SCAF11: variants seen among roughly 807,000 people sequenced by gnomAD.
SCAF11 encodes SR-related CTD associated factor 11.
In SCAF11, 47 loss-of-function variants were observed where a neutral mutation model predicts 140.5. The ratio of observed to expected loss-of-function variants is 0.33; its 90% CI spans 0.26 to 0.43. The LOEUF is 0.43. Ranked by LOEUF, SCAF11 falls within the 20% of genes least tolerant of loss-of-function variation. SCAF11 has a pLI of 1.00. For missense variants in SCAF11, 1,645 were observed against 1,705.1 expected (o/e 0.96, Z 0.62); for synonymous variants, 557 against 579.4 (o/e 0.96, Z 0.55).
chr12:45,928,335 C>T lies in SCAF11; in HGVS notation c.1366G>A (p.Glu456Lys), dbSNP rs755395187. The T allele has an allele frequency of 2.5e-6, 4 of 1,614,056 alleles. No individual in the cohort carries two copies. Among genetic ancestry groups the T allele is most frequent in the Non-Finnish European group, 3.4e-6 (4 of 1,180,002 alleles). The change falls in exon 11 of 15, where the codon GAA becomes AAA. Residue 456 changes from glutamate to lysine, a missense_variant. This residue lies in a region of SCAF11 where 1,582 missense variants were observed against 1,609.2 expected (regional missense o/e 0.98). Coordinates refer to ENST00000369367, the MANE Select transcript of SCAF11 (RefSeq NM_004719.3). ...CLKSCNEQIE[E>K]SEKHTANYDT... is the part of the protein sequence containing the mutation. ...TAATTTGCAGTATGCTTCTCACTTT[C>T]TTCTATTTGCTCATTGCAACTTTTC...
At chr12:45,922,735 T>C (rs180741978) in intron 13 of SCAF11, among the ~76,000 whole-genome samples, 153 bp from the exon 14 acceptor site, 71 of 152,306 alleles carry the variant, frequency 4.7e-4, no homozygotes, top group Non-Finnish European at 6.8e-4. Flanking sequence ...CTAAAACATA[T>C]CAAACATTTC....
Position 45,921,968 on chromosome 12 carries a change from G to T in SCAF11, c.*80C>A. The stretch of plus-strand genomic sequence containing the variant: ...AAAACCAAATTTCAATCACAGTTAT[G>T]TATGATTTTCAGTTAATGGTACATG... On this transcript the variant is annotated 3_prime_UTR_variant, in exon 15 of 15. Transcript: ENST00000369367. The T allele has an allele frequency of 6.9e-7, 1 of 1,449,624 alleles. No homozygotes were observed. The highest frequency in any genetic ancestry group is 9.3e-7 in the Non-Finnish European group (1 of 1,074,176). 89.8% of individuals were successfully genotyped at this position (1,449,624 alleles called of 1,614,324 possible).
intron 5 of SCAF11, 107 bp downstream of exon 5, chr12:45,948,328 TAA>T (rs1448566360): frequency 1.5e-6 from 1 of 686,656 alleles, no homozygotes; most frequent in Admixed American, 2.8e-5. Flanking sequence ...TGCTTTTGAA[TAA>T]GTGATTAAAT....
In SCAF11 at chr12:45,924,953, AT is replaced by A; in HGVS notation, c.3680del (p.Asn1227IlefsTer13). The A allele has an allele frequency of 6.2e-7, 1 of 1,614,194 alleles. No homozygotes were observed. The highest frequency in any genetic ancestry group is 1.3e-5 in the African/African-American group (1 of 75,054). ...QQMNAQHQPM[N>X]IFPYPVGVHA... ...GAACACCCACTGGATATGGGAAGATATTCATAGGCTGGTGTTGTGCATTCAT... is the reference window on the plus strand; with the variant it reads ...GAACACCCACTGGATATGGGAAGATATCATAGGCTGGTGTTGTGCATTCAT... On this transcript the variant is annotated frameshift_variant, in exon 12 of 15. Transcript: ENST00000369367. LOFTEE classifies it high-confidence loss of function.
chr12:45,968,875 G>A (rs140049088), intron 1 of SCAF11, among the ~76,000 whole-genome samples: 170 of 152,252 alleles, frequency 1.1e-3, no homozygotes, highest in African/African-American at 3.9e-3. Flanking sequence ...GCAGAGAGCC[G>A]AGATCATGCC....
intron 4 of SCAF11, 42 bp from the exon 5 acceptor site, chr12:45,948,579 T>C: frequency 1.6e-6 from 2 of 1,232,234 alleles, no homozygotes; most frequent in East Asian, 4.7e-5. Context: ...CAATCCAGCC[T>C]TACAAATAAC....
At chr12:45,991,881 TCA>T (rs774904302), upstream of SCAF11, 7 of 1,283,852 alleles carry the variant, frequency 5.5e-6, no homozygotes, top group East Asian at 1.1e-4. Flanking sequence ...CGCGCGCGGC[TCA>T]CCCAGGTCCC....
At chr12:45,936,597 C>A (rs1945178918) in intron 6 of SCAF11, among the ~76,000 whole-genome samples, 1 of 152,320 alleles carries the variant, frequency 6.6e-6, no homozygotes, top group African/African-American at 2.4e-5. Flanking sequence ...AAGGTTTGTT[C>A]CCCACTCTCC....
intron 3 of SCAF11, chr12:45,961,152 A>G (rs1383165971): frequency 3.6e-6 from 2 of 549,558 alleles, no homozygotes; most frequent in African/African-American, 3.8e-5. Context: ...GGAATTAGAA[A>G]ATCAGTTCTA....
At chr12:45,981,781 G>A (rs1237026496) in intron 1 of SCAF11, among the ~76,000 whole-genome samples, 1 of 152,108 alleles carries the variant, frequency 6.6e-6, no homozygotes, top group African/African-American at 2.4e-5. Flanking sequence ...GGGACAGAGT[G>A]AGACCTTGTC....
rs1451298727 is a variant in SCAF11 at position 45,941,295 on chromosome 12, C to G, written c.463+3954G>C. 2.0e-5 allele frequency among the ~76,000 whole-genome samples: 3 copies of G among 152,078 alleles called. No homozygotes were observed. The East Asian group carries it at 5.8e-4, about 29-fold the overall frequency. On this transcript the variant is annotated intron_variant, in intron 6 of 14. Coordinates refer to ENST00000369367, the MANE Select transcript of SCAF11 (RefSeq NM_004719.3). Reference sequence around the variant, plus strand: ...GTCATCTTTATTGAGGTACAATTGACAAAAATTGTATATATTTAAGGTATA... The same window carrying G: ...GTCATCTTTATTGAGGTACAATTGAGAAAAATTGTATATATTTAAGGTATA...
In SCAF11 at chr12:45,941,841, T is replaced by C. The variant is rs1291620; in HGVS notation, c.463+3408A>G. ...TGAACTCCATGGGTCTGCTTATTCA[T>C]GAATGTTTTTCAATAAAAGTTACAC... On this transcript the variant is annotated intron_variant, in intron 6 of 14. Coordinates refer to ENST00000369367, the MANE Select transcript of SCAF11 (RefSeq NM_004719.3). 2.6e-3 allele frequency among the ~76,000 whole-genome samples: 393 copies of C among 152,318 alleles called. 2 individuals are homozygous for C. Among genetic ancestry groups the C allele is most frequent in the African/African-American group, 8.9e-3 (371 of 41,568 alleles).
intron 2 of SCAF11, among the ~76,000 whole-genome samples, chr12:45,962,454 A>G (rs574997311): frequency 1.1e-4 from 17 of 152,346 alleles, no homozygotes; most frequent in African/African-American, 4.1e-4. Context: ...TAATGTGTGT[A>G]TACATTTGTA....
chr12:45,981,534 T>C (rs574651799), intron 1 of SCAF11, among the ~76,000 whole-genome samples: 3 of 152,234 alleles, frequency 2.0e-5, no homozygotes, highest in Non-Finnish European at 4.4e-5. Flanking sequence ...GGAATAAATA[T>C]AATCCGTCAT....
chr12:45,933,199 T>C lies in SCAF11; in HGVS notation c.666A>G (p.Ala222=), dbSNP rs1405714878. 4 of 1,611,810 alleles carry C rather than the reference T, an allele frequency of 2.5e-6. No individual in the cohort carries two copies. The highest frequency in any genetic ancestry group is 1.7e-5 in the Admixed American group (1 of 59,988). Residue 222 remains alanine, a synonymous_variant, in exon 9 of 15, where the codon GCA becomes GCG. Coordinates refer to ENST00000369367, the MANE Select transcript of SCAF11 (RefSeq NM_004719.3). The stretch of plus-strand genomic sequence containing the variant: ...GTTCATGTCTCTTCTGCCTAATCAA[T>C]GCACTGATTTCACTGGCTTCTATAA... ...TEFIEASEIS[A]LIRQKRHELE... is the part of the protein sequence containing the mutation.
chr12:45,988,602 A>C (rs2136678916), intron 1 of SCAF11, among the ~76,000 whole-genome samples: 1 of 152,340 alleles, frequency 6.6e-6, no homozygotes, highest in African/African-American at 2.4e-5. Flanking sequence ...TTAAAAAATT[A>C]TCCGTAAAAT....
chr12:45,987,607 T>C (rs1349196047), intron 1 of SCAF11, among the ~76,000 whole-genome samples: 1 of 152,168 alleles, frequency 6.6e-6, no homozygotes, highest in Admixed American at 6.5e-5. Flanking sequence ...GGGAAGGCTG[T>C]TGTTTTATAC....
intron 2 of SCAF11, among the ~76,000 whole-genome samples, chr12:45,963,455 G>A (rs1228210995): frequency 6.6e-6 from 1 of 150,522 alleles, no homozygotes; most frequent in Non-Finnish European, 1.5e-5. Flanking sequence ...AAAGTGCTAA[G>A]AGAAAAAAAA....
At chr12:45,968,604 A>C (rs1483297779) in intron 1 of SCAF11, among the ~76,000 whole-genome samples, 1 of 152,156 alleles carries the variant, frequency 6.6e-6, no homozygotes, top group Non-Finnish European at 1.5e-5. Context: ...AGTAGAATAC[A>C]TGGAAATGAG....
Sources: allele counts gnomAD v4.1 joint callset (sites outside exome capture counted in the v4.1 genomes callset), GRCh38; gene constraint gnomAD v4.1.1; regional missense constraint gnomAD v4.1.1; transcripts MANE v1.5; gene names NCBI Gene and HGNC (gene_info 2026-07-23, HGNC 2026-07-21).